The following MPP3 variants were observed in gnomAD, a reference collection of about 807,000 sequenced individuals.
MPP3 encodes the protein MAGUK p55 subfamily member 3.
Under a neutral mutation model 80.7 loss-of-function variants are expected in MPP3, and 48 were observed. The ratio of observed to expected loss-of-function variants is 0.59; its 90% confidence interval spans 0.47 to 0.76. The LOEUF (loss-of-function observed/expected upper bound fraction) is 0.76. MPP3 is among the 30% of genes least tolerant of loss of function. The pLI is 0.00. For missense variants in MPP3, 620 were observed against 763.0 expected (o/e 0.81, Z 2.21); for synonymous variants, 311 against 297.6 (o/e 1.04, Z -0.46).
At chr17:43,825,018 C>G (rs1270994258) in intron 9 of MPP3, 1 of 152,348 alleles carries the variant, frequency 6.6e-6, no homozygotes, top group African/African-American at 2.4e-5. Flanking sequence ...GGTGACCCAC[C>G]TGCCTCGGCC....
intron 4 of MPP3, 110 bp from the exon 5 acceptor site, chr17:43,831,431 A>C: frequency 7.3e-7 from 1 of 1,370,170 alleles, no homozygotes; most frequent in Non-Finnish European, 1.0e-6. Flanking sequence ...CCATAAGAGA[A>C]AGTCCTGTGT....
At chr17:43,813,978 G>C in intron 16 of MPP3, 33 bp downstream of exon 16, 1 of 1,521,906 alleles carries the variant, frequency 6.6e-7, no homozygotes, top group Non-Finnish European at 9.0e-7. Flanking sequence ...TGTGTGTGCA[G>C]ACAAACACAC....
At chr17:43,817,942 C>T (rs910575995) in intron 12 of MPP3, 104 bp downstream of exon 12, 40 of 996,764 alleles carry the variant, frequency 4.0e-5, no homozygotes, top group Non-Finnish European at 1.2e-5. Flanking sequence ...AGACAAGACC[C>T]CTGATGCCCC....
chr17:43,830,687 C>T (rs992141677), intron 5 of MPP3, among the ~76,000 whole-genome samples: 1 of 152,316 alleles, frequency 6.6e-6, no homozygotes, highest in Middle Eastern at 3.4e-3. Context: ...CTGCACTCAT[C>T]CCTCCCCAGG....
rs7221673 is a variant in MPP3, at chr17:43,816,662, A to C, written c.967+15T>G. The C allele has an allele frequency of 8.9e-3, 14,015 of 1,571,330 alleles. 930 individuals are homozygous for C. The African/African-American group carries it at 0.15, about 17-fold the overall frequency. The stretch of plus-strand genomic sequence containing the variant: ...GGGGCCACGCCTGTGGACAGCGGAT[A>C]GATACTGGGCCTACCTTTGTCACAA... On this transcript the variant is annotated intron_variant, in intron 13 of 19. Transcript: ENST00000398389.
rs559423642 is a variant in MPP3, at chr17:43,801,490, C to T, written c.*211G>A. On this transcript the variant is annotated 3_prime_UTR_variant, in exon 20 of 20. Coordinates refer to ENST00000398389, the MANE Select transcript of MPP3 (RefSeq NM_001932.6). ...TGAAATGTGTTGTTTTCTGATATGC[C>T]CCTTTCAAATCATGATCCAAAGAGG... The T allele has an allele frequency of 4.8e-5, 26 of 542,652 alleles. 1 individual carries two copies. In the Admixed American group the frequency reaches 7.8e-4, roughly 16 times the overall value. 33.6% of individuals were successfully genotyped at this position (542,652 alleles called of 1,614,324 possible). A position where few individuals can be genotyped will look rare whatever the true frequency, so the allele number is the denominator to read the frequency against.
At chr17:43,823,867 C>A in intron 10 of MPP3, 64 bp downstream of exon 10, 1 of 1,187,852 alleles carries the variant, frequency 8.4e-7, no homozygotes, top group East Asian at 2.4e-5. Context: ...CTGGATCCAG[C>A]CCCCAGCCAG....
intron 12 of MPP3, 28 bp downstream of exon 12, chr17:43,818,017 TG>T: frequency 6.5e-7 from 1 of 1,544,062 alleles, no homozygotes; most frequent in Non-Finnish European, 8.8e-7. Context: ...GGGCCCTCCC[TG>T]GAGTGCCATC....
At chr17:43,831,800 T>C in intron 3 of MPP3, 82 bp downstream of exon 3, 1 of 1,464,474 alleles carries the variant, frequency 6.8e-7, no homozygotes, top group Admixed American at 2.1e-5. Context: ...CTCCCCAGGC[T>C]CTCACTGCCA....
intron 12 of MPP3, among the ~76,000 whole-genome samples, chr17:43,817,112 G>A (rs1567809713): frequency 6.6e-6 from 1 of 152,192 alleles, no homozygotes; most frequent in Non-Finnish European, 1.5e-5. Context: ...GGAGCGGGGT[G>A]GAGCAGAGCT....
chr17:43,820,213 G>A (rs1456683077), intron 11 of MPP3, among the ~76,000 whole-genome samples: 1 of 152,076 alleles, frequency 6.6e-6, no homozygotes, highest in African/African-American at 2.4e-5. Context: ...CCAAAGTGCT[G>A]GGATTACAGG....
In MPP3 at chr17:43,814,048, C is replaced by A; in HGVS notation, c.1218G>T (p.Val406=). ...ARLHELKQKV[V]AENPQHFGVA... ...CGCCAAAGTGCTGTGGGTTCTCAGC[C>A]ACCACCTTTTGCTTCAGCTCGTGCA... The change falls in exon 16 of 20, where the codon GTG becomes GTT. Residue 406 remains valine, a synonymous_variant. Transcript: ENST00000398389. 6.2e-7 allele frequency: 1 copy of A among 1,613,626 alleles called. No homozygotes were observed.
In MPP3 at chr17:43,831,265, G is replaced by A. The variant is rs372638251; in HGVS notation, c.201C>T (p.Ser67=). 40 of 1,613,958 alleles carry A rather than the reference G, an allele frequency of 2.5e-5. No homozygotes were observed. The highest frequency in any genetic ancestry group is 5.0e-5 in the Admixed American group (3 of 60,006). The change falls in exon 5 of 20, where the codon AGC becomes AGT. Residue 67 remains serine (S), a synonymous_variant. Coordinates refer to ENST00000398389, the MANE Select transcript of MPP3 (RefSeq NM_001932.6). ...ERQSPTPVLH[S]AVALAEDVME... ...TTACGTCCTCAGCGAGGGCCACAGC[G>A]CTGTGCAGAACTGGGGTTGGACTTT...
Position 43,831,277 on chromosome 17 carries a change from T to G in MPP3, c.189A>C (p.Pro63=). ...LRYYERQSPT[P]VLHSAVALAE... Reference sequence around the variant, plus strand: ...CGAGGGCCACAGCGCTGTGCAGAACTGGGGTTGGACTTTGCCTTTCATAAT... The same window carrying G: ...CGAGGGCCACAGCGCTGTGCAGAACGGGGGTTGGACTTTGCCTTTCATAAT... Residue 63 remains proline (P), a synonymous_variant, in exon 5 of 20, where the codon CCA becomes CCC. Transcript: ENST00000398389. 6.2e-7 allele frequency: 1 copy of G among 1,614,016 alleles called. No homozygotes were observed. Among genetic ancestry groups the G allele is most frequent in the African/African-American group, 1.3e-5 (1 of 75,034 alleles).
At chr17:43,820,407 C>T (rs540937274) in intron 11 of MPP3, among the ~76,000 whole-genome samples, 74 of 152,056 alleles carry the variant, frequency 4.9e-4, no homozygotes, top group African/African-American at 1.8e-3. Context: ...TTGAGACCAG[C>T]CTGGCCAAAC....
Position 43,811,221 on chromosome 17 carries a change from G to C in MPP3, c.1256-16C>G. On this transcript the variant is annotated splice_polypyrimidine_tract_variant and intron_variant, in intron 16 of 19. Coordinates refer to ENST00000398389, the MANE Select transcript of MPP3 (RefSeq NM_001932.6). Reference sequence around the variant, plus strand: ...CTGGTGGTATCTTTTAAAGAAAGAAGGAAAGCTGGGCAAAGAGATGTCACA... The same window carrying C: ...CTGGTGGTATCTTTTAAAGAAAGAACGAAAGCTGGGCAAAGAGATGTCACA... 2 of 1,601,218 alleles carry C rather than the reference G, an allele frequency of 1.2e-6. No individual in the cohort carries two copies. Among genetic ancestry groups the C allele is most frequent in the African/African-American group, 2.7e-5 (2 of 74,774 alleles).
In MPP3 at chr17:43,814,355, A is replaced by G; in HGVS notation, c.1016T>C (p.Leu339Pro). ...ACAGCCCAGCCGGAAGCTCCTCCGA[A>G]GACCAGCTTGGGAGGAGGGGCAGAG... ...GYLKGHYVAGLRRSFRLGCRE... is the reference protein window; with the variant it reads ...GYLKGHYVAGPRRSFRLGCRE... The change falls in exon 15 of 20, where the codon CTT (leucine) becomes CCT (proline). Residue 339 changes from leucine to proline, a missense_variant. By Grantham distance (98) the Leu-to-Pro change is moderately conservative. Coordinates refer to ENST00000398389, the MANE Select transcript of MPP3 (RefSeq NM_001932.6). The G allele has an allele frequency of 6.2e-7, 1 of 1,601,274 alleles. No individual in the cohort carries two copies. Among genetic ancestry groups the G allele is most frequent in the South Asian group, 1.1e-5 (1 of 90,306 alleles).
At chr17:43,825,658 A>G (rs2045659254) in intron 9 of MPP3, 98 bp downstream of exon 9, 6 of 840,818 alleles carry the variant, frequency 7.1e-6, no homozygotes, top group Non-Finnish European at 8.0e-6. Context: ...CCTCAGGACA[A>G]CAGCAAGGCT....
intron 16 of MPP3, among the ~76,000 whole-genome samples, chr17:43,812,301 GTA>G (rs1359707495): frequency 1.3e-5 from 2 of 152,214 alleles, no homozygotes; most frequent in African/African-American, 2.4e-5. Flanking sequence ...ACCACCCAGG[GTA>G]TGCCCTGTGT....
Sources: allele counts gnomAD v4.1 joint callset (sites outside exome capture counted in the v4.1 genomes callset), GRCh38; gene constraint gnomAD v4.1.1; transcripts MANE v1.5; gene names NCBI Gene and HGNC (gene_info 2026-07-23, HGNC 2026-07-21).